Variants in GALNTL6 observed in about 807,000 individuals in gnomAD.
GALNTL6 encodes polypeptide N-acetylgalactosaminyltransferase-like 6.
In GALNTL6, 46 loss-of-function variants were observed where a neutral mutation model predicts 73.7. The ratio of observed to expected loss-of-function variants is 0.62; its 90% CI spans 0.49 to 0.80. GALNTL6 has a LOEUF of 0.80. GALNTL6 is among the 30% of genes least tolerant of loss of function. The pLI is 0.00. For missense variants in GALNTL6, 604 were observed against 755.0 expected, an observed-to-expected ratio of 0.80 and a Z score of 2.34; for synonymous variants, 259 against 263.7, an observed-to-expected ratio of 0.98 and a Z score of 0.17.
chr4:172,637,896 A>G (rs1466768687), intron 5 of GALNTL6, among the ~76,000 whole-genome samples: 1 of 152,034 alleles, frequency 6.6e-6, no homozygotes, highest in African/African-American at 2.4e-5. Flanking sequence ...ATTGGACCCT[A>G]CGCATACTTG....
At chr4:172,677,464 C>A (rs1732368579) in intron 5 of GALNTL6, among the ~76,000 whole-genome samples, 1 of 152,090 alleles carries the variant, frequency 6.6e-6, no homozygotes, top group South Asian at 2.1e-4. Flanking sequence ...CAGTGTGCTT[C>A]CACCATGTTC....
chr4:172,773,600 C>CA (rs11382532), intron 5 of GALNTL6, among the ~76,000 whole-genome samples: 74,421 of 145,562 alleles, frequency 0.51, 19,561 homozygotes, highest in East Asian at 0.77. Flanking sequence ...ATTCAGTGAC[C>CA]AAAAAAAAAA....
At chr4:172,748,975 T>C in intron 5 of GALNTL6, among the ~76,000 whole-genome samples, 1 of 152,056 alleles carries the variant, frequency 6.6e-6, no homozygotes, top group Non-Finnish European at 1.5e-5. Flanking sequence ...AGTGGCATGA[T>C]CTTGGCTCAC....
intron 5 of GALNTL6, among the ~76,000 whole-genome samples, chr4:172,744,845 G>GA (rs1737007284): frequency 6.7e-6 from 1 of 148,590 alleles, no homozygotes; most frequent in South Asian, 2.1e-4. Context: ...GCGTGCGTGT[G>GA]TGTGTGTGTG....
intron 5 of GALNTL6, among the ~76,000 whole-genome samples, chr4:172,732,262 A>G (rs921638492): frequency 2.0e-5 from 3 of 152,084 alleles, no homozygotes; most frequent in Non-Finnish European, 4.4e-5. Flanking sequence ...CTCTTATTGA[A>G]TTGGCTCATT....
chr4:172,555,854 A>G (rs1736122422), intron 5 of GALNTL6, among the ~76,000 whole-genome samples: 2 of 152,222 alleles, frequency 1.3e-5, no homozygotes, highest in East Asian at 1.9e-4. Context: ...AGTAAAAAAT[A>G]TGGAAAATGT....
intron 5 of GALNTL6, among the ~76,000 whole-genome samples, chr4:172,416,483 C>T (rs1004835423): frequency 5.9e-5 from 9 of 152,140 alleles, no homozygotes; most frequent in Non-Finnish European, 2.9e-5. Context: ...CTCAATTTTT[C>T]ACTCTTCATT....
chr4:172,543,260 G>A (rs952451694), intron 5 of GALNTL6, among the ~76,000 whole-genome samples: 1 of 152,200 alleles, frequency 6.6e-6, no homozygotes, highest in Admixed American at 6.5e-5. Context: ...TAAAAAATAA[G>A]TGGTCCTCAA....
intron 9 of GALNTL6, among the ~76,000 whole-genome samples, chr4:172,940,932 TC>T (rs1748889201): frequency 6.6e-6 from 1 of 152,180 alleles, no homozygotes. Flanking sequence ...AGCCTCAACC[TC>T]CCAAAGTTGT....
rs148107305 is a variant in GALNTL6 at position 172,632,604 on chromosome 4, C to T, written c.554-176757C>T. On this transcript the variant is annotated intron_variant, in intron 5 of 12. Coordinates refer to ENST00000506823, the MANE Select transcript of GALNTL6 (RefSeq NM_001034845.3). ...AGCAGAGAATAAAAATCTGACTATG[C>T]AATAAAAAAAAAAAGAAAAATCCAT... Among the ~76,000 whole-genome samples the T allele has an allele frequency of 5.7e-3, 862 of 150,010 alleles. 4 individuals carry two copies. Among genetic ancestry groups the T allele is most frequent in the Non-Finnish European group, 9.8e-3 (665 of 67,516 alleles).
intron 3 of GALNTL6, among the ~76,000 whole-genome samples, chr4:172,296,155 C>T (rs1739663944): frequency 6.6e-6 from 1 of 151,982 alleles, no homozygotes; most frequent in African/African-American, 2.4e-5. Context: ...CCTTCTATTC[C>T]TAGCTTTCTG....
intron 2 of GALNTL6, among the ~76,000 whole-genome samples, chr4:171,855,977 G>T (rs1050377354): frequency 3.9e-5 from 6 of 152,138 alleles, no homozygotes; most frequent in African/African-American, 1.4e-4. Flanking sequence ...AGTTTTAAGA[G>T]TTCTTTATAT....
intron 5 of GALNTL6, among the ~76,000 whole-genome samples, chr4:172,478,724 A>C (rs932753466): frequency 6.6e-6 from 1 of 152,250 alleles, no homozygotes; most frequent in African/African-American, 2.4e-5. Flanking sequence ...GACAATGTAC[A>C]GAGTGAGATA....
rs189808301 is a variant in GALNTL6 at position 172,801,660 on chromosome 4, A to C, written c.554-7701A>C. Among the ~76,000 whole-genome samples, 360 of 152,308 alleles carry C rather than the reference A, an allele frequency of 2.4e-3. 1 individual carries two copies. The highest frequency in any genetic ancestry group is 8.4e-3 in the African/African-American group (350 of 41,576). ...TCCATAAGGGGCCATGCCATGGTGA[A>C]TACATAGGTGCTGTGTTCTAGATGA... On this transcript the variant is annotated intron_variant, in intron 5 of 12. Transcript: ENST00000506823.
At chr4:172,335,359 A>T (rs1487471714) in intron 4 of GALNTL6, among the ~76,000 whole-genome samples, 15 of 152,186 alleles carry the variant, frequency 9.9e-5, no homozygotes, top group Admixed American at 9.8e-4. Flanking sequence ...TTTGTTGAGA[A>T]TCTTTGCATC....
intron 2 of GALNTL6, among the ~76,000 whole-genome samples, chr4:172,139,003 GA>G (rs1733730447): frequency 6.6e-6 from 1 of 151,816 alleles, no homozygotes; most frequent in African/African-American, 2.4e-5. Flanking sequence ...GTATATAACC[GA>G]AGAGATAGAT....
chr4:172,125,142 TG>T (rs1462036027), intron 2 of GALNTL6, among the ~76,000 whole-genome samples: 8 of 152,108 alleles, frequency 5.3e-5, no homozygotes, highest in African/African-American at 1.9e-4. Context: ...CAATGATGTA[TG>T]ACCTGCAAAT....
In GALNTL6 at chr4:173,001,546, G is replaced by A. The variant is rs187749754; in HGVS notation, c.1372-7632G>A. Among the ~76,000 whole-genome samples the A allele has an allele frequency of 2.6e-5, 4 of 152,218 alleles. No homozygotes were observed. In the East Asian group the frequency reaches 7.7e-4, roughly 29 times the overall value. On this transcript the variant is annotated intron_variant, in intron 10 of 12. Coordinates refer to ENST00000506823, the MANE Select transcript of GALNTL6 (RefSeq NM_001034845.3). ...ACTTCATGAAAGTTAAAACTTTTGT[G>A]CATCAAAGGCACAATTGACAGAATG...
intron 5 of GALNTL6, among the ~76,000 whole-genome samples, chr4:172,581,595 T>G (rs770467538): frequency 2.0e-5 from 3 of 152,228 alleles, no homozygotes; most frequent in Non-Finnish European, 4.4e-5. Flanking sequence ...GATTTGTATA[T>G]CTCCTTCCTG....
Sources: gnomAD v4.1 joint callset for allele counts (sites outside exome capture counted in the v4.1 genomes callset) on GRCh38, gnomAD v4.1.1 for gene constraint, MANE v1.5 for transcripts, NCBI Gene and HGNC (gene_info 2026-07-23, HGNC 2026-07-21) for gene names.